PTPRD: variants seen among roughly 807,000 people sequenced by gnomAD.
PTPRD encodes the protein receptor-type tyrosine-protein phosphatase delta.
Under a neutral mutation model 214.5 loss-of-function variants are expected in PTPRD, and 34 were observed. The observed-to-expected ratio is 0.16, with a 90% CI of 0.12 to 0.21. The LOEUF (loss-of-function observed/expected upper bound fraction) is 0.21, where lower values mean the gene tolerates loss of function less well. Among genes scored for constraint, PTPRD ranks in the 10% least tolerant of loss-of-function variants. PTPRD has a pLI of 1.00. For missense variants in PTPRD, 2,545 were observed against 2,398.7 expected, an observed-to-expected ratio of 1.06 and a Z score of -1.27; for synonymous variants, 1,128 against 845.7, an observed-to-expected ratio of 1.33 and a Z score of -5.79.
chr9:10,090,955 C>G (rs1567624691), intron 3 of PTPRD, among the ~76,000 whole-genome samples: 92 of 148,084 alleles, frequency 6.2e-4, no homozygotes, highest in South Asian at 4.7e-3. Context: ...CACACACACA[C>G]ACACATGCAT....
chr9:9,946,809 G>A (rs756077522), intron 4 of PTPRD, among the ~76,000 whole-genome samples: 4 of 152,022 alleles, frequency 2.6e-5, no homozygotes, highest in Non-Finnish European at 4.4e-5. Context: ...GGATTTTAAC[G>A]ATAGAATTAA....
intron 3 of PTPRD, among the ~76,000 whole-genome samples, chr9:10,082,237 T>C (rs1370007930): frequency 6.6e-6 from 1 of 152,104 alleles, no homozygotes; most frequent in Non-Finnish European, 1.5e-5. Flanking sequence ...GCAAACATAG[T>C]GTTTGATTGA....
intron 13 of PTPRD, among the ~76,000 whole-genome samples, chr9:8,635,336 C>G (rs1412954538): frequency 4.6e-5 from 7 of 151,450 alleles, no homozygotes; most frequent in Non-Finnish European, 1.0e-4. Context: ...AAAAAATTAA[C>G]TTCATTTAAA....
intron 5 of PTPRD, among the ~76,000 whole-genome samples, chr9:9,885,336 T>C (rs1037601540): frequency 6.6e-5 from 10 of 152,090 alleles, no homozygotes; most frequent in African/African-American, 2.4e-4. Context: ...TTTGTTAAGA[T>C]GTAAGAAAGA....
intron 18 of PTPRD, among the ~76,000 whole-genome samples, chr9:8,523,730 G>C (rs2097939427): frequency 6.6e-6 from 1 of 152,088 alleles, no homozygotes; most frequent in Non-Finnish European, 1.5e-5. Context: ...ACAATAGCTA[G>C]CATCATTTTG....
At chr9:9,815,030 C>T (rs1193983056) in intron 5 of PTPRD, among the ~76,000 whole-genome samples, 1 of 151,712 alleles carries the variant, frequency 6.6e-6, no homozygotes, top group Non-Finnish European at 1.5e-5. Flanking sequence ...CCAAAGTGTT[C>T]GTAAAGCCTC....
Position 8,314,745 on chromosome 9 carries a change from T to G in PTPRD, c.*3129A>C, listed in dbSNP as rs935166504. On this transcript the variant is annotated 3_prime_UTR_variant, in exon 46 of 46. Transcript: ENST00000381196. ...ACTGCAGACTTTTTTCCCTTCCTGT[T>G]TCTATGTTGTGTTATTTACATACAC... The G allele has an allele frequency of 8.6e-6, 2 of 232,114 alleles. No homozygotes were observed. Among genetic ancestry groups the G allele is most frequent in the African/African-American group, 4.4e-5 (2 of 45,062 alleles). The allele number at this position is 232,114 out of a possible 1,614,324, so 14.4% of individuals were successfully genotyped here. A position where few individuals can be genotyped will look rare whatever the true frequency, so the allele number is the denominator to read the frequency against.
intron 2 of PTPRD, among the ~76,000 whole-genome samples, chr9:10,526,220 T>C (rs1014479133): frequency 6.6e-6 from 1 of 152,124 alleles, no homozygotes; most frequent in Non-Finnish European, 1.5e-5. Flanking sequence ...TTCATTCAGA[T>C]GAAGTTCTGT....
chr9:9,258,153 C>T (rs1224524533), intron 9 of PTPRD, among the ~76,000 whole-genome samples: 1 of 151,778 alleles, frequency 6.6e-6, no homozygotes, highest in Non-Finnish European at 1.5e-5. Flanking sequence ...ATAAACAGAA[C>T]TGCCATAAAC....
chr9:10,522,540 C>G (rs1362761620), intron 2 of PTPRD, among the ~76,000 whole-genome samples: 1 of 151,980 alleles, frequency 6.6e-6, no homozygotes, highest in Admixed American at 6.6e-5. Context: ...GAATTTGTGC[C>G]TCTTAAAAGT....
intron 3 of PTPRD, among the ~76,000 whole-genome samples, chr9:10,218,560 A>G (rs564630268): frequency 3.9e-5 from 6 of 152,020 alleles, no homozygotes; most frequent in South Asian, 4.1e-4. Flanking sequence ...TCACCTACTT[A>G]CCTTTACCTC....
At chr9:9,696,451 T>G (rs2097375456) in intron 7 of PTPRD, among the ~76,000 whole-genome samples, 1 of 152,156 alleles carries the variant, frequency 6.6e-6, no homozygotes, top group Admixed American at 6.5e-5. Flanking sequence ...CTTTTAGATC[T>G]ATTAATGTTT....
intron 39 of PTPRD, among the ~76,000 whole-genome samples, chr9:8,373,482 G>C (rs1447803102): frequency 6.6e-6 from 1 of 151,858 alleles, no homozygotes; most frequent in East Asian, 1.9e-4. Flanking sequence ...CTTCTCCAGA[G>C]CCTCAGGCAC....
chr9:8,335,762 A>G (rs1846034611), intron 43 of PTPRD, among the ~76,000 whole-genome samples: 1 of 152,194 alleles, frequency 6.6e-6, no homozygotes, highest in South Asian at 2.1e-4. Context: ...TCAGCCCCAA[A>G]TCTCAAGCTG....
intron 7 of PTPRD, among the ~76,000 whole-genome samples, chr9:9,715,894 G>A (rs1051610776): frequency 2.0e-5 from 3 of 152,038 alleles, no homozygotes; most frequent in Admixed American, 2.0e-4. Flanking sequence ...GGGTACATGT[G>A]CACAATGTGC....
At chr9:9,421,755 G>T (rs555788013) in intron 8 of PTPRD, among the ~76,000 whole-genome samples, 1 of 152,144 alleles carries the variant, frequency 6.6e-6, no homozygotes, top group African/African-American at 2.4e-5. Flanking sequence ...AAGCTCGTTT[G>T]GTATTGTAGC....
chr9:9,266,610 G>A (rs1342324369), intron 9 of PTPRD, among the ~76,000 whole-genome samples: 2 of 150,594 alleles, frequency 1.3e-5, no homozygotes, highest in Non-Finnish European at 3.0e-5. Flanking sequence ...AGTAGAATAA[G>A]TGGTATAAAT....
intron 5 of PTPRD, among the ~76,000 whole-genome samples, chr9:9,921,821 C>T (rs1316291310): frequency 1.3e-5 from 2 of 151,396 alleles, no homozygotes; most frequent in East Asian, 1.9e-4. Context: ...ATTATGTGTC[C>T]CACACTGTTC....
At chr9:8,865,795 C>T (rs1046275489) in intron 11 of PTPRD, among the ~76,000 whole-genome samples, 42 of 152,236 alleles carry the variant, frequency 2.8e-4, no homozygotes, top group Admixed American at 6.5e-4. Context: ...AAAGGTACAA[C>T]GACCTAGAGT....
Sources: gnomAD v4.1 joint callset for allele counts (sites outside exome capture counted in the v4.1 genomes callset) on GRCh38, gnomAD v4.1.1 for gene constraint, MANE v1.5 for transcripts, NCBI Gene and HGNC (gene_info 2026-07-23, HGNC 2026-07-21) for gene names.